EIF4EBP1: variants seen among roughly 807,000 people sequenced by gnomAD.
EIF4EBP1 encodes the protein eukaryotic translation initiation factor 4E-binding protein 1.
A neutral mutation model predicts 9.2 loss-of-function variants in EIF4EBP1; 5 were observed. The ratio of observed to expected loss-of-function variants is 0.54; its 90% CI spans 0.28 to 1.14. EIF4EBP1 has a LOEUF of 1.14. EIF4EBP1 is among the 50% of genes most tolerant of loss of function. EIF4EBP1 has a pLI of 0.09. For synonymous variants in EIF4EBP1, 62 were observed against 67.0 expected, an observed-to-expected ratio of 0.93 and a Z score of 0.36; for missense variants, 139 against 169.6, an observed-to-expected ratio of 0.82 and a Z score of 1.00.
intron 1 of EIF4EBP1, among the ~76,000 whole-genome samples, chr8:38,056,417 T>C (rs1268017279): frequency 6.6e-6 from 1 of 152,180 alleles, no homozygotes; most frequent in Non-Finnish European, 1.5e-5. Context: ...TGACTAGAAA[T>C]GCATTTTTTC....
intron 1 of EIF4EBP1, among the ~76,000 whole-genome samples, chr8:38,045,539 C>CA (rs1159272151): frequency 0.011 from 1,039 of 97,154 alleles, 1 homozygote; most frequent in Non-Finnish European, 0.013. Flanking sequence ...ACCTTGTCTA[C>CA]AAAAAAAAAA....
intron 1 of EIF4EBP1, among the ~76,000 whole-genome samples, chr8:38,041,459 T>G (rs1163370917): frequency 2.0e-5 from 3 of 151,606 alleles, no homozygotes; most frequent in African/African-American, 7.3e-5. Flanking sequence ...ATGGGAGGAG[T>G]GGTAGGAGCC....
intron 1 of EIF4EBP1, among the ~76,000 whole-genome samples, chr8:38,043,029 T>C (rs1329902659): frequency 1.3e-5 from 2 of 152,180 alleles, no homozygotes; most frequent in African/African-American, 2.4e-5. Context: ...ATCATGCCAC[T>C]GAACTCTAGT....
At position 38,055,718 on chromosome 8, in the gene EIF4EBP1, C is replaced by T. The variant is rs1024156405; in HGVS notation, c.146-1363C>T. Among the ~76,000 whole-genome samples the T allele has an allele frequency of 6.6e-5, 10 of 152,102 alleles. 1 individual carries two copies. The highest frequency in any genetic ancestry group is 6.2e-4 in the South Asian group (3 of 4,812). On this transcript the variant is annotated intron_variant, in intron 1 of 2. Transcript: ENST00000338825. ...TAGCTATAAAAAGATACAAAGGGGCCGGGCACGGTGGCTCACACCTGTAAT... is the reference window on the plus strand; with the variant it reads ...TAGCTATAAAAAGATACAAAGGGGCTGGGCACGGTGGCTCACACCTGTAAT...
rs929398143 is a variant in EIF4EBP1, at chr8:38,035,928, C to T, written c.145+5210C>T. ...TTCACCACGTTGGCCAGGCTGGTCT[C>T]GAACTCCTGACCTCGTGATCCGCCC... On this transcript the variant is annotated intron_variant, in intron 1 of 2. Transcript: ENST00000338825. Among the ~76,000 whole-genome samples, 9 of 150,968 alleles carry T rather than the reference C, an allele frequency of 6.0e-5. No homozygotes were observed. In the East Asian group the frequency reaches 8.0e-4, roughly 13 times the overall value.
At chr8:38,050,839 G>T (rs1300899889) in intron 1 of EIF4EBP1, among the ~76,000 whole-genome samples, 1 of 152,080 alleles carries the variant, frequency 6.6e-6, no homozygotes, top group African/African-American at 2.4e-5. Flanking sequence ...CCCTTGTGTG[G>T]CCCAGAGACT....
intron 1 of EIF4EBP1, among the ~76,000 whole-genome samples, chr8:38,052,014 A>G (rs1809530839): frequency 6.6e-6 from 1 of 152,196 alleles, no homozygotes; most frequent in Admixed American, 6.5e-5. Context: ...GATGTGAGTC[A>G]CTGCGCCCAG....
chr8:38,056,402 A>C (rs1356806864), intron 1 of EIF4EBP1, among the ~76,000 whole-genome samples: 1 of 152,232 alleles, frequency 6.6e-6, no homozygotes, highest in Non-Finnish European at 1.5e-5. Flanking sequence ...GACAGGACTG[A>C]ATAATGACTA....
At chr8:38,035,791 C>T (rs549031358) in intron 1 of EIF4EBP1, among the ~76,000 whole-genome samples, 88 of 152,006 alleles carry the variant, frequency 5.8e-4, no homozygotes, top group African/African-American at 2.0e-3. Flanking sequence ...CTCACTGCAA[C>T]CTCCACCTCC....
At chr8:38,044,882 A>G (rs2130388581) in intron 1 of EIF4EBP1, among the ~76,000 whole-genome samples, 1 of 152,262 alleles carries the variant, frequency 6.6e-6, no homozygotes, top group Non-Finnish European at 1.5e-5. Context: ...AGGGGGAATA[A>G]GACCTAGCAC....
chr8:38,060,265 G>A lies in EIF4EBP1; in HGVS notation c.*330G>A. ...GCAGTTCCAGCCCCTCGCTGCTGGGGGCGCAACCACCCCTTCCTTAGGTTG... is the reference window on the plus strand; with the variant it reads ...GCAGTTCCAGCCCCTCGCTGCTGGGAGCGCAACCACCCCTTCCTTAGGTTG... On this transcript the variant is annotated 3_prime_UTR_variant, in exon 3 of 3. Coordinates refer to ENST00000338825, the MANE Select transcript of EIF4EBP1 (RefSeq NM_004095.4). 2 of 361,394 alleles carry A rather than the reference G, an allele frequency of 5.5e-6. No homozygotes were observed. Among genetic ancestry groups the A allele is most frequent in the South Asian group, 7.6e-5 (2 of 26,214 alleles). The allele number at this position is 361,394 out of a possible 1,614,324, so 22.4% of individuals were successfully genotyped here. A position where few individuals can be genotyped will look rare whatever the true frequency, so the allele number is the denominator to read the frequency against.
intron 1 of EIF4EBP1, chr8:38,047,503 G>A (rs575044799): frequency 8.0e-6 from 1 of 125,442 alleles, no homozygotes; most frequent in Admixed American, 8.1e-5. Flanking sequence ...TTTTTTTTTT[G>A]AGACAGAGTC....
rs756280075 is a variant in EIF4EBP1, at chr8:38,059,916, A to T, written c.338A>T (p.Gln113Leu). ...EDKRAGGEES[Q>L]FEMDI is the part of the protein sequence containing the mutation. Reference sequence around the variant, plus strand: ...CCTCTCTCCCCAGGTGAAGAGTCACAGTTTGAGATGGACATTTAAAGCACC... The same window carrying T: ...CCTCTCTCCCCAGGTGAAGAGTCACTGTTTGAGATGGACATTTAAAGCACC... Residue 113 changes from glutamine to leucine, a missense_variant, in exon 3 of 3, where the codon CAG becomes CTG. By Grantham distance (113) the Gln-to-Leu change is moderately radical. Transcript: ENST00000338825. 2 of 1,425,952 alleles carry T rather than the reference A, an allele frequency of 1.4e-6. No homozygotes were observed. The highest frequency in any genetic ancestry group is 1.8e-6 in the Non-Finnish European group (2 of 1,087,318). 88.3% of individuals were successfully genotyped at this position (1,425,952 alleles called of 1,614,324 possible). A position where few individuals can be genotyped will look rare whatever the true frequency, so the allele number is the denominator to read the frequency against.
At chr8:38,037,313 T>TTTTA (rs1369465591) in intron 1 of EIF4EBP1, among the ~76,000 whole-genome samples, 7 of 151,928 alleles carry the variant, frequency 4.6e-5, no homozygotes, top group Admixed American at 1.3e-4. Context: ...AGTTTTCTTA[T>TTTTA]TTTATTTATT....
At chr8:38,032,688 G>T (rs1336367965) in intron 1 of EIF4EBP1, among the ~76,000 whole-genome samples, 2 of 152,164 alleles carry the variant, frequency 1.3e-5, no homozygotes, top group Non-Finnish European at 2.9e-5. Flanking sequence ...GAGATCACTG[G>T]AAGAAGCTAG....
intron 1 of EIF4EBP1, among the ~76,000 whole-genome samples, chr8:38,053,650 AG>A (rs2130397753): frequency 6.6e-6 from 1 of 152,362 alleles, no homozygotes; most frequent in East Asian, 1.9e-4. Context: ...GAAGCAACCC[AG>A]GTGTCCATCA....
chr8:38,056,854 G>A (rs1054282987), intron 1 of EIF4EBP1, among the ~76,000 whole-genome samples: 1 of 151,880 alleles, frequency 6.6e-6, no homozygotes, highest in African/African-American at 2.4e-5. Flanking sequence ...GTAGAGACGG[G>A]GTTTCACCAT....
intron 1 of EIF4EBP1, among the ~76,000 whole-genome samples, chr8:38,047,679 T>G (rs1008892854): frequency 1.3e-5 from 2 of 152,106 alleles, no homozygotes; most frequent in Admixed American, 1.3e-4. Flanking sequence ...AAGACAGGGT[T>G]TTGCCATGTT....
chr8:38,058,138 A>G (rs1021046990), intron 2 of EIF4EBP1, among the ~76,000 whole-genome samples: 4 of 152,188 alleles, frequency 2.6e-5, no homozygotes, highest in Admixed American at 1.3e-4. Flanking sequence ...TACAAGACAG[A>G]CAATAGTTGC....
Sources: gnomAD v4.1 joint callset for allele counts (sites outside exome capture counted in the v4.1 genomes callset) on GRCh38, gnomAD v4.1.1 for gene constraint, MANE v1.5 for transcripts, NCBI Gene and HGNC (gene_info 2026-07-23, HGNC 2026-07-21) for gene names.